STX18: variants seen among roughly 807,000 people sequenced by gnomAD.
STX18 encodes syntaxin 18.
In STX18, 40 loss-of-function variants were observed where a neutral mutation model predicts 50.1. The ratio of observed to expected loss-of-function variants is 0.80; its 90% CI spans 0.62 to 1.04. STX18 has a LOEUF of 1.04. Ranked by LOEUF, STX18 falls within the 50% of genes least tolerant of loss-of-function variation. STX18 has a pLI of 0.00. For missense variants in STX18, 410 were observed against 415.8 expected (o/e 0.99, Z 0.12); for synonymous variants, 158 against 151.8 (o/e 1.04, Z -0.30).
At position 4,478,452 on chromosome 4, in the gene STX18, A is replaced by G. The variant is rs542073573; in HGVS notation, c.169-6746T>C. ...ATCTATCATCAAGCCACCTGAAAACATGGTTTAAACAAGTAACGAAAGCAA... is the reference window on the plus strand; with the variant it reads ...ATCTATCATCAAGCCACCTGAAAACGTGGTTTAAACAAGTAACGAAAGCAA... On this transcript the variant is annotated intron_variant, in intron 1 of 10. Coordinates refer to ENST00000306200, the MANE Select transcript of STX18 (RefSeq NM_016930.4). Among the ~76,000 whole-genome samples the G allele has an allele frequency of 2.6e-5, 4 of 152,328 alleles. No individual in the cohort carries two copies. The South Asian group carries it at 6.2e-4, about 24-fold the overall frequency.
At position 4,420,840 on chromosome 4, in the gene STX18, C is replaced by G; in HGVS notation, c.912+24G>C. On this transcript the variant is annotated intron_variant, in intron 10 of 10. Coordinates refer to ENST00000306200, the MANE Select transcript of STX18 (RefSeq NM_016930.4). This position sits in a 1 kb window ranked among gnomAD's most constrained non-coding sequence, Gnocchi z 4.3. ...GACTCAGTGCTGCGCCACGTCGCAC[C>G]TGGGGAACCTAAACAGTGCCTACCT... The G allele has an allele frequency of 6.2e-7, 1 of 1,609,742 alleles. No homozygotes were observed. The highest frequency in any genetic ancestry group is 8.5e-7 in the Non-Finnish European group (1 of 1,176,082).
chr4:4,441,469 G>A (rs1726104223), intron 5 of STX18, among the ~76,000 whole-genome samples: 1 of 152,136 alleles, frequency 6.6e-6, no homozygotes, highest in African/African-American at 2.4e-5. Flanking sequence ...CTCATTTACA[G>A]TTGGAAGATA....
At chr4:4,447,219 C>T (rs968847329) in intron 5 of STX18, among the ~76,000 whole-genome samples, 1 of 152,160 alleles carries the variant, frequency 6.6e-6, no homozygotes, top group Non-Finnish European at 1.5e-5. Context: ...TACTCATCTG[C>T]CAGAATTTTC....
At chr4:4,428,360 A>AC (rs1181123853) in intron 7 of STX18, among the ~76,000 whole-genome samples, 2 of 152,140 alleles carry the variant, frequency 1.3e-5, no homozygotes, top group African/African-American at 4.8e-5. Flanking sequence ...CCAGCCCCTC[A>AC]CCTTCTAAGC....
At chr4:4,494,544 TC>T (rs1729083189) in intron 1 of STX18, among the ~76,000 whole-genome samples, 1 of 152,214 alleles carries the variant, frequency 6.6e-6, no homozygotes, top group Non-Finnish European at 1.5e-5. Flanking sequence ...TTATCACTTC[TC>T]CCATTTTATA....
In STX18 at chr4:4,516,050, G is replaced by C. The variant is rs146665376; in HGVS notation, c.168+25747C>G. Among the ~76,000 whole-genome samples, 173 of 151,800 alleles carry C rather than the reference G, an allele frequency of 1.1e-3. 1 individual carries two copies. In the Middle Eastern group the frequency reaches 0.014, roughly 12 times the overall value. The stretch of plus-strand genomic sequence containing the variant: ...TCAAACCAAACAAAAAATAAAATTA[G>C]ATATAAATTCAACTTTTAGACTGTG... On this transcript the variant is annotated intron_variant, in intron 1 of 10. Coordinates refer to ENST00000306200, the MANE Select transcript of STX18 (RefSeq NM_016930.4).
intron 1 of STX18, among the ~76,000 whole-genome samples, chr4:4,480,824 G>A (rs1728424324): frequency 6.6e-6 from 1 of 152,116 alleles, no homozygotes; most frequent in African/African-American, 2.4e-5. Context: ...TTTTTCCCAA[G>A]GACTTTAAAA....
intron 1 of STX18, among the ~76,000 whole-genome samples, chr4:4,531,176 C>A (rs2108923627): frequency 6.6e-6 from 1 of 151,964 alleles, no homozygotes; most frequent in South Asian, 2.1e-4. Flanking sequence ...CACACACACA[C>A]CCTGGACTAA....
intron 5 of STX18, among the ~76,000 whole-genome samples, chr4:4,441,849 G>A (rs1726123686): frequency 6.6e-6 from 1 of 152,166 alleles, no homozygotes; most frequent in Non-Finnish European, 1.5e-5. Flanking sequence ...GTATTGAAGG[G>A]GAAGGGCACT....
intron 2 of STX18, among the ~76,000 whole-genome samples, chr4:4,469,914 C>T (rs992391459): frequency 1.3e-5 from 2 of 152,162 alleles, no homozygotes; most frequent in African/African-American, 4.8e-5. Flanking sequence ...GATGCCACCT[C>T]GATGGGGCCT....
chr4:4,529,917 A>G (rs1342323491), intron 1 of STX18, among the ~76,000 whole-genome samples: 1 of 152,204 alleles, frequency 6.6e-6, no homozygotes, highest in Non-Finnish European at 1.5e-5. Flanking sequence ...ATTTTCTCAT[A>G]TAGATTAAGA....
At chr4:4,465,607 G>A (rs1236442243) in intron 2 of STX18, among the ~76,000 whole-genome samples, 3 of 152,272 alleles carry the variant, frequency 2.0e-5, no homozygotes, top group Middle Eastern at 3.4e-3. Context: ...GGGGCCTGTT[G>A]GAGGATCAGG....
At chr4:4,481,199 T>A (rs1288241441) in intron 1 of STX18, among the ~76,000 whole-genome samples, 1 of 152,242 alleles carries the variant, frequency 6.6e-6, no homozygotes, top group Non-Finnish European at 1.5e-5. Flanking sequence ...GCATTCTGAC[T>A]GTGGGGAGAG....
intron 5 of STX18, among the ~76,000 whole-genome samples, chr4:4,439,218 A>G (rs990210146): frequency 1.6e-5 from 2 of 123,946 alleles, no homozygotes; most frequent in Admixed American, 7.8e-5. Context: ...ATGCATGTAT[A>G]TCCCCCACAT....
At chr4:4,531,876 T>C (rs1560213562) in intron 1 of STX18, among the ~76,000 whole-genome samples, 1 of 152,220 alleles carries the variant, frequency 6.6e-6, no homozygotes, top group African/African-American at 2.4e-5. Context: ...AAACTACATT[T>C]TTTGTCTTTT....
chr4:4,433,180 T>C (rs1725602183), intron 7 of STX18, among the ~76,000 whole-genome samples: 1 of 152,212 alleles, frequency 6.6e-6, no homozygotes, highest in Non-Finnish European at 1.5e-5. Context: ...CTTGACTGGA[T>C]TGTCATGAAG....
At chr4:4,451,162 C>G (rs939117563) in intron 5 of STX18, among the ~76,000 whole-genome samples, 1 of 152,226 alleles carries the variant, frequency 6.6e-6, no homozygotes, top group African/African-American at 2.4e-5. Flanking sequence ...TGACTGAAGG[C>G]TGAACATTTC....
intron 5 of STX18, among the ~76,000 whole-genome samples, chr4:4,441,717 C>A (rs1037094997): frequency 6.6e-6 from 1 of 152,098 alleles, no homozygotes; most frequent in Non-Finnish European, 1.5e-5. Flanking sequence ...AATAAAAAAA[C>A]ATCACCAGGT....
chr4:4,492,757 T>G (rs982931979), intron 1 of STX18, among the ~76,000 whole-genome samples: 1 of 152,198 alleles, frequency 6.6e-6, no homozygotes, highest in Non-Finnish European at 1.5e-5. Flanking sequence ...CAGTCGAGGA[T>G]GTCTGGGGCA....
Sources: allele counts gnomAD v4.1 joint callset (sites outside exome capture counted in the v4.1 genomes callset), GRCh38; gene constraint gnomAD v4.1.1; non-coding constraint Gnocchi (gnomAD v3.1); transcripts MANE v1.5; gene names NCBI Gene and HGNC (gene_info 2026-07-23, HGNC 2026-07-21).